The following PALLD variants were observed in gnomAD, a reference collection of about 807,000 sequenced individuals.
The protein encoded by PALLD is palladin.
A neutral mutation model predicts 123.5 loss-of-function variants in PALLD; 61 were observed. The observed-to-expected ratio is 0.49, with a 90% CI of 0.40 to 0.61. The LOEUF (loss-of-function observed/expected upper bound fraction) is 0.61, where lower values mean the gene tolerates loss of function less well. Among genes scored for constraint, PALLD ranks in the 20% least tolerant of loss-of-function variants. The pLI is 0.00. For missense variants in PALLD, 1,273 were observed against 1,377.0 expected (o/e 0.92, Z 1.20); for synonymous variants, 465 against 496.4 (o/e 0.94, Z 0.84).
At chr4:168,804,869 C>A (rs571665042) in intron 10 of PALLD, among the ~76,000 whole-genome samples, 1 of 151,940 alleles carries the variant, frequency 6.6e-6, no homozygotes, top group Admixed American at 6.6e-5. Flanking sequence ...TCCAAGAGTT[C>A]CCAAAGCGAG....
intron 19 of PALLD, among the ~76,000 whole-genome samples, 200 bp from the exon 20 acceptor site, chr4:168,924,745 C>A (rs1052730928): frequency 1.3e-5 from 2 of 152,188 alleles, no homozygotes; most frequent in Non-Finnish European, 2.9e-5. Context: ...GAATTAAGCA[C>A]ACAGATGTAT....
chr4:168,710,947 A>G (rs1324454383), intron 9 of PALLD, among the ~76,000 whole-genome samples: 1 of 151,480 alleles, frequency 6.6e-6, no homozygotes, highest in Non-Finnish European at 1.5e-5. Flanking sequence ...TTTTGAGTGC[A>G]TGCCAGGAGC....
intron 10 of PALLD, among the ~76,000 whole-genome samples, chr4:168,797,841 C>T (rs1738736587): frequency 6.6e-6 from 1 of 151,498 alleles, no homozygotes; most frequent in African/African-American, 2.4e-5. Flanking sequence ...ACCCCCACCA[C>T]CATACAGCTG....
At chr4:168,832,245 G>C (rs1031050845) in intron 10 of PALLD, 2 of 962,612 alleles carry the variant, frequency 2.1e-6, no homozygotes, top group Admixed American at 6.2e-5. Context: ...GTGCAGGGTG[G>C]GCCGCGAGTC....
intron 10 of PALLD, among the ~76,000 whole-genome samples, chr4:168,769,614 G>A (rs2150491373): frequency 1.3e-5 from 2 of 152,328 alleles, no homozygotes; most frequent in Admixed American, 1.3e-4. Flanking sequence ...TGTCTGAGGA[G>A]CTTAGGGAAC....
rs1762169437 is a variant in PALLD, at chr4:168,924,359, C to T, written c.3163C>T (p.Pro1055Ser). 1 of 1,613,752 alleles carries T rather than the reference C, an allele frequency of 6.2e-7. No individual in the cohort carries two copies. The highest frequency in any genetic ancestry group is 1.3e-5 in the African/African-American group (1 of 74,880). ...RLECRVLGVP[P>S]PQIFWKKENE... ...GGAATGTCGTGTATTGGGAGTGCCA[C>T]CACCTCAGATATTTTGGAAGAAAGA... Residue 1055 changes from proline to serine, a missense_variant, in exon 19 of 22, where the codon CCA (proline) becomes TCA (serine). Pro to Ser is a moderately conservative substitution (Grantham distance 74). This residue lies in a region of PALLD where 329 missense variants were observed against 422.5 expected (regional missense o/e 0.78). Transcript: ENST00000505667.
At chr4:168,761,654 T>TTTTG (rs1732912210) in intron 10 of PALLD, among the ~76,000 whole-genome samples, 3 of 38,834 alleles carry the variant, frequency 7.7e-5, no homozygotes, top group African/African-American at 3.2e-4. Flanking sequence ...TGTTTTTTTT[T>TTTTG]TTTTTTTTTT....
chr4:168,750,579 T>C (rs963371911), intron 10 of PALLD, among the ~76,000 whole-genome samples: 1 of 152,200 alleles, frequency 6.6e-6, no homozygotes, highest in Non-Finnish European at 1.5e-5. Flanking sequence ...TATGCTTTTT[T>C]CTTTGTACAT....
intron 10 of PALLD, among the ~76,000 whole-genome samples, chr4:168,720,917 G>A (rs1370896609): frequency 6.6e-6 from 1 of 152,078 alleles, no homozygotes; most frequent in Non-Finnish European, 1.5e-5. Flanking sequence ...TGTAAATACT[G>A]GCTCTGACAC....
At chr4:168,661,059 C>T (rs1481711033) in intron 2 of PALLD, among the ~76,000 whole-genome samples, 1 of 152,062 alleles carries the variant, frequency 6.6e-6, no homozygotes, top group Admixed American at 6.6e-5. Context: ...CATGCACCAC[C>T]ATGCCCGGCT....
At chr4:168,925,475 G>A (rs1762394952) in intron 21 of PALLD, 197 bp downstream of exon 21, 5 of 596,334 alleles carry the variant, frequency 8.4e-6, no homozygotes, top group East Asian at 2.9e-5. Flanking sequence ...ATATTCTATC[G>A]CAGTGTCCTA....
At chr4:168,615,155 G>A (rs1580590705) in intron 2 of PALLD, among the ~76,000 whole-genome samples, 1 of 107,116 alleles carries the variant, frequency 9.3e-6, no homozygotes, top group African/African-American at 4.3e-5. Flanking sequence ...GGGAAAGATG[G>A]TAAGTTAAAA....
At chr4:168,903,302 G>T (rs1756941582) in intron 14 of PALLD, among the ~76,000 whole-genome samples, 1 of 152,008 alleles carries the variant, frequency 6.6e-6, no homozygotes, top group African/African-American at 2.4e-5. Flanking sequence ...ATTAGAGTTT[G>T]GGGTCTGCTT....
chr4:168,800,768 C>T (rs185598213), intron 10 of PALLD, among the ~76,000 whole-genome samples: 228 of 152,222 alleles, frequency 1.5e-3, no homozygotes, highest in African/African-American at 4.9e-3. Flanking sequence ...GTATATTTCT[C>T]AAAGAAATGC....
chr4:168,768,192 CAT>C lies in PALLD; in HGVS notation c.1964+56270_1964+56271del, dbSNP rs199835977. Among the ~76,000 whole-genome samples the C allele has an allele frequency of 7.6e-3, 1,153 of 152,316 alleles. 5 individuals are homozygous for C. The highest frequency in any genetic ancestry group is 0.024 in the Middle Eastern group (7 of 294). ...TCTTTGATACTACTCTTTTATAACACATGAGATTGTAATTAATTGGATGCACC... is the reference window on the plus strand; with the variant it reads ...TCTTTGATACTACTCTTTTATAACACGAGATTGTAATTAATTGGATGCACC... On this transcript the variant is annotated intron_variant, in intron 10 of 21. Transcript: ENST00000505667.
rs754158038 is a variant in PALLD, at chr4:168,903,816, A to G, written c.2532A>G (p.Gln844=). Residue 844 remains glutamine (Q), a synonymous_variant, in exon 15 of 22, where the codon CAA becomes CAG. Coordinates refer to ENST00000505667, the MANE Select transcript of PALLD (RefSeq NM_001166108.2). ...ISPKSDHYTI[Q]RDLDGTCSLH... is the part of the protein sequence containing the mutation. ...CAAAGAGTGATCACTACACCATTCA[A>G]AGAGATCTCGATGGGACCTGCTCCC... 3.7e-6 allele frequency: 6 copies of G among 1,611,872 alleles called. No homozygotes were observed. Among genetic ancestry groups the G allele is most frequent in the Non-Finnish European group, 5.1e-6 (6 of 1,177,990 alleles).
At chr4:168,900,758 A>G (rs1404737546) in intron 14 of PALLD, among the ~76,000 whole-genome samples, 1 of 152,208 alleles carries the variant, frequency 6.6e-6, no homozygotes, top group African/African-American at 2.4e-5. Flanking sequence ...ACTTTTTACA[A>G]TATTCTTGGC....
rs1023828765 is a variant in PALLD at position 168,746,417 on chromosome 4, G to A, written c.1964+34494G>A. 3.2e-5 allele frequency among the ~76,000 whole-genome samples: 4 copies of A among 125,928 alleles called. No individual in the cohort carries two copies. In the Admixed American group the frequency reaches 3.2e-4, roughly 10 times the overall value. 82.6% of individuals were successfully genotyped at this position (125,928 alleles called of 152,430 possible). A position where few individuals can be genotyped will look rare whatever the true frequency, so the allele number is the denominator to read the frequency against. On this transcript the variant is annotated intron_variant, in intron 10 of 21. Transcript: ENST00000505667. ...AAAAAAAAAAAAAAAAAAAGAGGAGGGACTTCAAACCTTAGTGCTGGTAGT... is the reference window on the plus strand; with the variant it reads ...AAAAAAAAAAAAAAAAAAAGAGGAGAGACTTCAAACCTTAGTGCTGGTAGT...
intron 10 of PALLD, chr4:168,885,576 T>C (rs1199082087): frequency 6.6e-6 from 1 of 152,256 alleles, no homozygotes; most frequent in East Asian, 1.9e-4. Flanking sequence ...AAGTTTCAAT[T>C]TCAAGCACTG....
Sources: allele counts gnomAD v4.1 joint callset (sites outside exome capture counted in the v4.1 genomes callset), GRCh38; gene constraint gnomAD v4.1.1; regional missense constraint gnomAD v4.1.1; transcripts MANE v1.5; gene names NCBI Gene and HGNC (gene_info 2026-07-23, HGNC 2026-07-21).